Variants in SLC38A9 observed in about 807,000 individuals in gnomAD.
SLC38A9 encodes the protein neutral amino acid transporter 9.
A neutral mutation model predicts 62.3 loss-of-function variants in SLC38A9; 48 were observed. The ratio of observed to expected loss-of-function variants is 0.77; its 90% confidence interval spans 0.61 to 0.98. SLC38A9 has a LOEUF of 0.98. Ranked by LOEUF, SLC38A9 falls within the 50% of genes least tolerant of loss-of-function variation. The probability of loss-of-function intolerance (pLI) is 0.00; values close to 1 mark genes in which losing one functional copy is unlikely to be tolerated. For missense variants in SLC38A9, 541 were observed against 679.8 expected, an observed-to-expected ratio of 0.80 and a Z score of 2.27; for synonymous variants, 204 against 227.7, an observed-to-expected ratio of 0.90 and a Z score of 0.94.
At chr5:55,697,217 G>C (rs1246603121) in intron 3 of SLC38A9, 1 of 154,036 alleles carries the variant, frequency 6.5e-6, no homozygotes, top group African/African-American at 2.4e-5. Context: ...AGGCGGCTGG[G>C]AGGTGGAGGT....
At position 55,672,508 on chromosome 5, in the gene SLC38A9, G is replaced by A; in HGVS notation, c.246+55C>T. On this transcript the variant is annotated intron_variant, in intron 4 of 15. Coordinates refer to ENST00000396865, the MANE Select transcript of SLC38A9 (RefSeq NM_173514.4). Reference sequence around the variant, plus strand: ...ACTGGGAGGTGCCCTGGCTTATATTGTTCACTGTTCATTTCAACTGAATTT... The same window carrying A: ...ACTGGGAGGTGCCCTGGCTTATATTATTCACTGTTCATTTCAACTGAATTT... The A allele has an allele frequency of 3.8e-6, 6 of 1,591,698 alleles. No individual in the cohort carries two copies. In the South Asian group the frequency reaches 6.9e-5, roughly 18 times the overall value.
intron 3 of SLC38A9, among the ~76,000 whole-genome samples, chr5:55,692,190 A>G (rs1349966426): frequency 6.6e-6 from 1 of 152,204 alleles, no homozygotes; most frequent in Admixed American, 6.5e-5. Flanking sequence ...AAAAGCATAA[A>G]CAACACTTCA....
chr5:55,626,759 C>T (rs1246340902), intron 15 of SLC38A9, 100 bp from the exon 16 acceptor site: 2 of 1,050,218 alleles, frequency 1.9e-6, no homozygotes, highest in East Asian at 5.3e-5. Flanking sequence ...AGTCTGATAG[C>T]TCAACAAAAA....
chr5:55,702,500 C>G (rs898824912), intron 2 of SLC38A9, among the ~76,000 whole-genome samples: 2 of 151,954 alleles, frequency 1.3e-5, no homozygotes, highest in African/African-American at 4.8e-5. Context: ...CTCAAGTAAT[C>G]TTTCTGCCTC....
At chr5:55,697,766 A>G (rs1335554347) in intron 3 of SLC38A9, 80 bp downstream of exon 3, 1 of 665,182 alleles carries the variant, frequency 1.5e-6, no homozygotes. Context: ...AATCAAATCT[A>G]TACATGTTTG....
At chr5:55,662,687 C>CAAAAAAAAAAAAAA (rs200454419) in intron 8 of SLC38A9, among the ~76,000 whole-genome samples, 2 of 141,130 alleles carry the variant, frequency 1.4e-5, no homozygotes, top group Non-Finnish European at 1.5e-5. Flanking sequence ...AAAAAAAAAC[C>CAAAAAAAAAAAAAA]AAAAAAAAAA....
At position 55,669,881 on chromosome 5, in the gene SLC38A9, T is replaced by C; in HGVS notation, c.247-2A>G. The C allele has an allele frequency of 6.3e-7, 1 of 1,582,950 alleles. No individual in the cohort carries two copies. Among genetic ancestry groups the C allele is most frequent in the Non-Finnish European group, 8.6e-7 (1 of 1,169,232 alleles). On this transcript the variant is annotated splice_acceptor_variant, in intron 4 of 15. Transcript: ENST00000396865. LOFTEE classifies it high-confidence loss of function. Reference sequence around the variant, plus strand: ...TGGAACTACATGGTCTGGGGCAATCTGGTAAAAAGGAAACATAGATAAATT... The same window carrying C: ...TGGAACTACATGGTCTGGGGCAATCCGGTAAAAAGGAAACATAGATAAATT...
At chr5:55,677,686 C>G (rs7736796) in intron 3 of SLC38A9, among the ~76,000 whole-genome samples, 90,592 of 151,184 alleles carry the variant, frequency 0.6, 27,732 homozygotes, top group South Asian at 0.7. Flanking sequence ...TGTGCACCAC[C>G]GTGCCCAGCT....
chr5:55,626,363 C>T lies in SLC38A9; in HGVS notation c.*131G>A, dbSNP rs1742406807. 21 of 842,562 alleles carry T rather than the reference C, an allele frequency of 2.5e-5. No homozygotes were observed. The South Asian group carries it at 4.4e-4, about 18-fold the overall frequency. The allele number at this position is 842,562 out of a possible 1,614,324, so 52.2% of individuals were successfully genotyped here. A position where few individuals can be genotyped will look rare whatever the true frequency, so the allele number is the denominator to read the frequency against. On this transcript the variant is annotated 3_prime_UTR_variant, in exon 16 of 16. Coordinates refer to ENST00000396865, the MANE Select transcript of SLC38A9 (RefSeq NM_173514.4). ...AATACTCATTAAGGGGCCACTATTT[C>T]CCTTGCTTTCAAATTATCTTAGAAA...
chr5:55,659,268 C>T (rs1419375975), intron 8 of SLC38A9, among the ~76,000 whole-genome samples: 4 of 130,844 alleles, frequency 3.1e-5, no homozygotes, highest in Admixed American at 2.3e-4. Flanking sequence ...TCAATATATA[C>T]ATATAGATAC....
At chr5:55,627,608 T>A (rs2150002875) in intron 15 of SLC38A9, among the ~76,000 whole-genome samples, 1 of 151,982 alleles carries the variant, frequency 6.6e-6, no homozygotes, top group African/African-American at 2.4e-5. Flanking sequence ...TTATTTTGGA[T>A]ATAGAGAGGA....
chr5:55,657,226 T>C (rs1323917464), intron 8 of SLC38A9, among the ~76,000 whole-genome samples: 4 of 152,198 alleles, frequency 2.6e-5, no homozygotes, highest in Non-Finnish European at 5.9e-5. Context: ...TCACCTTCTA[T>C]AGTTTTCTTC....
At chr5:55,674,783 C>T (rs1372126339) in intron 3 of SLC38A9, among the ~76,000 whole-genome samples, 1 of 152,150 alleles carries the variant, frequency 6.6e-6, no homozygotes, top group Non-Finnish European at 1.5e-5. Flanking sequence ...GCTGAAAAAG[C>T]AATCCCTACT....
At chr5:55,692,833 C>T in intron 3 of SLC38A9, 1 of 983,072 alleles carries the variant, frequency 1.0e-6, no homozygotes, top group South Asian at 4.7e-5. Flanking sequence ...AGTCAGCATT[C>T]ATTAGTGCTT....
intron 3 of SLC38A9, among the ~76,000 whole-genome samples, chr5:55,684,868 A>C (rs201428772): frequency 1.3e-5 from 2 of 152,038 alleles, no homozygotes; most frequent in Non-Finnish European, 2.9e-5. Context: ...TGGCCAGGCT[A>C]GTCTCGAACT....
chr5:55,645,466 T>A (rs186811914), intron 12 of SLC38A9, among the ~76,000 whole-genome samples: 21 of 152,362 alleles, frequency 1.4e-4, no homozygotes, highest in Admixed American at 1.2e-3. Flanking sequence ...CCAAATCTTG[T>A]CTGATGTCTG....
chr5:55,681,680 A>T (rs1168638785), intron 3 of SLC38A9, among the ~76,000 whole-genome samples: 1 of 152,114 alleles, frequency 6.6e-6, no homozygotes, highest in Non-Finnish European at 1.5e-5. Context: ...CTTTTTATTA[A>T]CTTCCTCAGA....
intron 10 of SLC38A9, among the ~76,000 whole-genome samples, chr5:55,651,120 A>T (rs1747337439): frequency 6.6e-6 from 1 of 151,962 alleles, no homozygotes; most frequent in Non-Finnish European, 1.5e-5. Flanking sequence ...ACTGCCTGCC[A>T]GAGATCACAT....
At chr5:55,682,145 A>G (rs1753119120) in intron 3 of SLC38A9, among the ~76,000 whole-genome samples, 1 of 131,600 alleles carries the variant, frequency 7.6e-6, no homozygotes, top group Non-Finnish European at 1.7e-5. Flanking sequence ...GGAGCATCTG[A>G]ATAGGTTTTT....
Sources: gnomAD v4.1 joint callset for allele counts (sites outside exome capture counted in the v4.1 genomes callset) on GRCh38, gnomAD v4.1.1 for gene constraint, MANE v1.5 for transcripts, NCBI Gene and HGNC (gene_info 2026-07-23, HGNC 2026-07-21) for gene names.